The following NFIB variants were observed in gnomAD, a reference collection of about 807,000 sequenced individuals.
NFIB encodes the protein nuclear factor I B.
Under a neutral mutation model 61.5 loss-of-function variants are expected in NFIB, and 11 were observed. That is an observed-to-expected ratio of 0.18 (90% CI 0.11 to 0.30). The LOEUF (loss-of-function observed/expected upper bound fraction) is 0.30. NFIB is among the 10% of genes least tolerant of loss of function. The pLI is 1.00. For missense variants in NFIB, 471 were observed against 608.9 expected, an observed-to-expected ratio of 0.77 and a Z score of 2.38; for synonymous variants, 260 against 216.5, an observed-to-expected ratio of 1.20 and a Z score of -1.76.
At chr9:14,149,692 C>G (rs1041905535) in intron 5 of NFIB, among the ~76,000 whole-genome samples, 28 of 152,112 alleles carry the variant, frequency 1.8e-4, no homozygotes, top group African/African-American at 6.8e-4. Flanking sequence ...ACTTGGCAAA[C>G]TGTGGTCTTT....
intron 2 of NFIB, among the ~76,000 whole-genome samples, chr9:14,221,534 A>C (rs1178548943): frequency 6.6e-6 from 1 of 152,226 alleles, no homozygotes; most frequent in Non-Finnish European, 1.5e-5. Context: ...CAAGTATATA[A>C]GACCCCAAGG....
intron 2 of NFIB, among the ~76,000 whole-genome samples, chr9:14,181,289 G>A (rs555511817): frequency 6.6e-6 from 1 of 152,218 alleles, no homozygotes; most frequent in African/African-American, 2.4e-5. Flanking sequence ...GATCTTGGCA[G>A]GCATATTTAG....
chr9:14,213,474 C>T (rs2050528981), intron 2 of NFIB, among the ~76,000 whole-genome samples: 1 of 152,194 alleles, frequency 6.6e-6, no homozygotes. Flanking sequence ...TCTGGCCCAT[C>T]CTCAGAGATC....
At chr9:14,194,617 A>G (rs576705937) in intron 2 of NFIB, among the ~76,000 whole-genome samples, 20 of 152,332 alleles carry the variant, frequency 1.3e-4, no homozygotes, top group African/African-American at 3.6e-4. Flanking sequence ...TGTACTGTAT[A>G]TGTATATGCT....
chr9:14,308,070 T>C (rs753745298), intron 1 of NFIB: 2 of 152,302 alleles, frequency 1.3e-5, no homozygotes, highest in Non-Finnish European at 2.9e-5. Context: ...CAGTTCCCGC[T>C]TTTGGAGCAT....
At chr9:14,217,660 CAAAAAAAAA>C (rs34055171) in intron 2 of NFIB, among the ~76,000 whole-genome samples, 1 of 81,522 alleles carries the variant, frequency 1.2e-5, no homozygotes, top group East Asian at 5.4e-4. Context: ...AACTCCATCT[CAAAAAAAAA>C]AAAAAAAAAA....
chr9:14,164,425 T>C (rs867082243), intron 3 of NFIB, among the ~76,000 whole-genome samples: 27 of 152,208 alleles, frequency 1.8e-4, no homozygotes, highest in African/African-American at 5.8e-4. Flanking sequence ...ACTGTACTGA[T>C]ACCGTAGGGG....
At chr9:14,228,013 T>G (rs562293986) in intron 2 of NFIB, among the ~76,000 whole-genome samples, 1 of 152,152 alleles carries the variant, frequency 6.6e-6, no homozygotes, top group Non-Finnish European at 1.5e-5. Context: ...AATAATTCAT[T>G]TACTCTTCCT....
At chr9:14,418,058 G>A in the NFIB span, among the ~76,000 whole-genome samples, 4 of 152,002 alleles carry the variant, frequency 2.6e-5, no homozygotes, top group Admixed American at 6.6e-5. Flanking sequence ...GGATTACAGC[G>A]CGGTGAGCCA....
intron 1 of NFIB, among the ~76,000 whole-genome samples, chr9:14,358,459 T>C (rs2061202132): frequency 6.6e-6 from 1 of 152,188 alleles, no homozygotes; most frequent in East Asian, 1.9e-4. Flanking sequence ...AGAGTCTGAT[T>C]TGCAGGTACG....
intron 3 of NFIB, among the ~76,000 whole-genome samples, chr9:14,176,953 T>A (rs987711877): frequency 6.6e-6 from 1 of 152,168 alleles, no homozygotes; most frequent in African/African-American, 2.4e-5. Flanking sequence ...TCCCAAGCTG[T>A]TGGGGAATAA....
At chr9:14,160,831 C>CAAAAAAAAAAAAAAAAA (rs36063048) in intron 3 of NFIB, among the ~76,000 whole-genome samples, 3 of 96,334 alleles carry the variant, frequency 3.1e-5, no homozygotes, top group African/African-American at 4.1e-5. Context: ...AAGGAAATCT[C>CAAAAAAAAAAAAAAAAA]AAAAAAAAAA....
At chr9:14,344,986 C>A (rs1321026311) in intron 1 of NFIB, among the ~76,000 whole-genome samples, 1 of 152,148 alleles carries the variant, frequency 6.6e-6, no homozygotes, top group South Asian at 2.1e-4. Context: ...GGCACTGCAG[C>A]TTCCACCTTC....
chr9:14,472,325 A>G, the NFIB span, among the ~76,000 whole-genome samples: 4 of 152,192 alleles, frequency 2.6e-5, no homozygotes, highest in Non-Finnish European at 5.9e-5. Flanking sequence ...TGCTACTCCA[A>G]GTGGTGATCC....
the NFIB span, among the ~76,000 whole-genome samples, chr9:14,527,518 C>A: frequency 6.6e-6 from 1 of 152,146 alleles, no homozygotes; most frequent in Non-Finnish European, 1.5e-5. Context: ...TTAGAGAAAA[C>A]AGAAATTATT....
intron 5 of NFIB, among the ~76,000 whole-genome samples, chr9:14,148,292 A>T (rs2042497232): frequency 6.6e-6 from 1 of 151,672 alleles, no homozygotes; most frequent in South Asian, 2.1e-4. Context: ...CTTGCTAATT[A>T]AAAAAATTTT....
At position 14,391,133 on chromosome 9, in the gene NFIB, G is replaced by A. The variant is rs541987642; in HGVS notation, c.108+7391C>T. On this transcript the variant is annotated intron_variant, in intron 1 of 8. Coordinates refer to the NFIB transcript ENST00000380934. ...TAGACATTTTCTTTTAAAGAGTAAA[G>A]TATAGAGAGAAGACAGCAGGAGAGT... Among the ~76,000 whole-genome samples, 269 of 152,324 alleles carry A rather than the reference G, an allele frequency of 1.8e-3. 2 individuals are homozygous for A. The highest frequency in any genetic ancestry group is 6.1e-3 in the African/African-American group (255 of 41,576).
intron 2 of NFIB, among the ~76,000 whole-genome samples, chr9:14,297,521 C>CA (rs1166331652): frequency 3.3e-5 from 5 of 152,124 alleles, no homozygotes; most frequent in African/African-American, 1.2e-4. Context: ...CAGTAACAAA[C>CA]AAACAAACAA....
intron 2 of NFIB, among the ~76,000 whole-genome samples, chr9:14,199,823 G>A (rs1235719289): frequency 2.6e-5 from 4 of 152,118 alleles, no homozygotes; most frequent in South Asian, 2.1e-4. Context: ...CAAGGAGACT[G>A]CAGAGTTGCA....
Sources: gnomAD v4.1 joint callset for allele counts (sites outside exome capture counted in the v4.1 genomes callset) on GRCh38, gnomAD v4.1.1 for gene constraint, MANE v1.5 for transcripts, NCBI Gene and HGNC (gene_info 2026-07-23, HGNC 2026-07-21) for gene names.